The following GRID2 variants were observed in gnomAD, a reference collection of about 807,000 sequenced individuals.
The protein encoded by GRID2 is glutamate ionotropic receptor delta type subunit 2, also known as glutamate receptor ionotropic, delta-2.
Under a neutral mutation model 114.8 loss-of-function variants are expected in GRID2, and 33 were observed. The observed-to-expected ratio is 0.29, with a 90% CI of 0.22 to 0.38. The LOEUF is 0.38. Among genes scored for constraint, GRID2 ranks in the 10% least tolerant of loss-of-function variants. The pLI, the probability that GRID2 is intolerant of heterozygous loss-of-function variation, is 1.00. For synonymous variants in GRID2, 505 were observed against 449.9 expected (o/e 1.12, Z -1.55); for missense variants, 1,184 against 1,257.7 (o/e 0.94, Z 0.89).
At chr4:93,430,944 G>A (rs1056950406) in intron 10 of GRID2, among the ~76,000 whole-genome samples, 4 of 152,134 alleles carry the variant, frequency 2.6e-5, no homozygotes, top group African/African-American at 9.7e-5. Flanking sequence ...ATGGAAAGCA[G>A]GCCAAAATTT....
At chr4:92,413,844 A>G (rs1373763222) in intron 1 of GRID2, among the ~76,000 whole-genome samples, 1 of 152,138 alleles carries the variant, frequency 6.6e-6, no homozygotes, top group African/African-American at 2.4e-5. Context: ...GGATTTTAAG[A>G]AAAGAGAGAT....
intron 14 of GRID2, among the ~76,000 whole-genome samples, chr4:93,762,149 C>T (rs1205235864): frequency 6.6e-6 from 1 of 151,742 alleles, no homozygotes; most frequent in African/African-American, 2.4e-5. Flanking sequence ...TGTGAAAACC[C>T]AGAAAATGAA....
intron 13 of GRID2, among the ~76,000 whole-genome samples, chr4:93,540,588 G>T (rs1224575056): frequency 1.3e-5 from 2 of 152,160 alleles, no homozygotes; most frequent in Admixed American, 6.6e-5. Flanking sequence ...TTACAAATGG[G>T]ACAGAAGAGC....
At chr4:92,989,276 C>CAAAAAAAAAAAAA (rs1182397768) in intron 2 of GRID2, among the ~76,000 whole-genome samples, 2 of 74,300 alleles carry the variant, frequency 2.7e-5, no homozygotes, top group African/African-American at 4.9e-5. Flanking sequence ...GACTCCATCT[C>CAAAAAAAAAAAAA]AAAAAAAAAA....
intron 2 of GRID2, among the ~76,000 whole-genome samples, chr4:92,817,005 C>G (rs1740957658): frequency 6.6e-6 from 1 of 151,956 alleles, no homozygotes; most frequent in Non-Finnish European, 1.5e-5. Flanking sequence ...AAATCTAGTC[C>G]CATGTTTTAA....
chr4:93,152,694 T>C (rs1383682311), intron 4 of GRID2, among the ~76,000 whole-genome samples: 2 of 152,116 alleles, frequency 1.3e-5, no homozygotes, highest in Non-Finnish European at 2.9e-5. Flanking sequence ...CTGCTTTGCA[T>C]GGCTAATTCT....
At chr4:93,037,374 T>A (rs1289734250) in intron 2 of GRID2, among the ~76,000 whole-genome samples, 1 of 152,204 alleles carries the variant, frequency 6.6e-6, no homozygotes, top group African/African-American at 2.4e-5. Context: ...TAAAATTTTA[T>A]CCCATTCTAT....
At chr4:92,314,574 A>G (rs1172054001) in intron 1 of GRID2, among the ~76,000 whole-genome samples, 2 of 152,270 alleles carry the variant, frequency 1.3e-5, no homozygotes, top group South Asian at 2.1e-4. Flanking sequence ...AACATTTGAC[A>G]CTTTTCAACA....
chr4:92,713,488 T>G, intron 2 of GRID2, among the ~76,000 whole-genome samples: 1 of 120,416 alleles, frequency 8.3e-6, no homozygotes, highest in Admixed American at 7.8e-5. Context: ...TATATATATA[T>G]ATATATATAT....
chr4:93,149,121 G>A (rs1056545001), intron 4 of GRID2, among the ~76,000 whole-genome samples: 2 of 152,046 alleles, frequency 1.3e-5, no homozygotes, highest in African/African-American at 2.4e-5. Flanking sequence ...CAGATCCCGT[G>A]TGACGCTGCT....
intron 2 of GRID2, among the ~76,000 whole-genome samples, chr4:93,009,938 C>G (rs1000654922): frequency 1.3e-5 from 2 of 151,946 alleles, no homozygotes; most frequent in Non-Finnish European, 2.9e-5. Flanking sequence ...CCCTAGGGCT[C>G]CCTGCTCATT....
At chr4:93,032,420 A>AT (rs945952367) in intron 2 of GRID2, among the ~76,000 whole-genome samples, 5 of 152,008 alleles carry the variant, frequency 3.3e-5, no homozygotes, top group South Asian at 2.1e-4. Context: ...TGAACAGCAG[A>AT]TTTTTTTTAA....
At chr4:92,356,519 A>G (rs562191346) in intron 1 of GRID2, among the ~76,000 whole-genome samples, 5 of 151,768 alleles carry the variant, frequency 3.3e-5, no homozygotes, top group African/African-American at 1.2e-4. Flanking sequence ...CATATTACAT[A>G]TATGCTACAT....
At chr4:93,766,286 A>G (rs547971682) in intron 14 of GRID2, among the ~76,000 whole-genome samples, 19 of 152,332 alleles carry the variant, frequency 1.2e-4, no homozygotes, top group Admixed American at 1.2e-3. Flanking sequence ...ACAGTTCCCC[A>G]TGGCTGGGGA....
chr4:93,404,300 A>T (rs573722901), intron 9 of GRID2, among the ~76,000 whole-genome samples: 1 of 152,248 alleles, frequency 6.6e-6, no homozygotes, highest in South Asian at 2.1e-4. Context: ...ATAAAGTTCT[A>T]AAACTGACTG....
chr4:92,384,666 TA>T (rs1314294559), intron 1 of GRID2, among the ~76,000 whole-genome samples: 4 of 88,778 alleles, frequency 4.5e-5, no homozygotes, highest in African/African-American at 1.6e-4. Context: ...ACATATTATA[TA>T]CATATATTAT....
intron 2 of GRID2, among the ~76,000 whole-genome samples, chr4:92,590,742 A>G (rs1278027316): frequency 6.6e-6 from 1 of 152,208 alleles, no homozygotes; most frequent in Non-Finnish European, 1.5e-5. Flanking sequence ...ATTTTGTATT[A>G]GGACTCTAAC....
chr4:93,348,292 T>C (rs1178852462), intron 8 of GRID2, among the ~76,000 whole-genome samples: 2 of 152,200 alleles, frequency 1.3e-5, no homozygotes, highest in African/African-American at 4.8e-5. Context: ...AGGTAATATC[T>C]GTTTAATTCT....
At chr4:92,876,106 G>C (rs1560660433) in intron 2 of GRID2, among the ~76,000 whole-genome samples, 1 of 151,400 alleles carries the variant, frequency 6.6e-6, no homozygotes, top group Non-Finnish European at 1.5e-5. Flanking sequence ...AATATTTTTG[G>C]CTTTTTGCTC....
Sources: allele counts gnomAD v4.1 joint callset (sites outside exome capture counted in the v4.1 genomes callset), GRCh38; gene constraint gnomAD v4.1.1; transcripts MANE v1.5; gene names NCBI Gene and HGNC (gene_info 2026-07-23, HGNC 2026-07-21).